LTBP1: variants seen among roughly 807,000 people sequenced by gnomAD.
The protein encoded by LTBP1 is latent-transforming growth factor beta-binding protein 1.
In LTBP1, 129 loss-of-function variants were observed where a neutral mutation model predicts 207.6. That is an observed-to-expected ratio of 0.62 (90% CI 0.54 to 0.72). The LOEUF (loss-of-function observed/expected upper bound fraction) is 0.72. LTBP1 is among the 30% of genes least tolerant of loss of function. LTBP1 has a pLI of 0.00. For synonymous variants in LTBP1, 963 were observed against 833.7 expected, an observed-to-expected ratio of 1.16 and a Z score of -2.67; for missense variants, 2,281 against 2,217.2, an observed-to-expected ratio of 1.03 and a Z score of -0.58.
At chr2:33,381,803 A>C (rs1574094988) in intron 31 of LTBP1, among the ~76,000 whole-genome samples, 1 of 152,142 alleles carries the variant, frequency 6.6e-6, no homozygotes, top group Non-Finnish European at 1.5e-5. Flanking sequence ...TGGGGAGTAG[A>C]AAGAACATGG....
At position 33,309,509 on chromosome 2, in the gene LTBP1, G is replaced by A. The variant is rs969042553; in HGVS notation, c.3557G>A (p.Cys1186Tyr). The A allele has an allele frequency of 6.2e-7, 1 of 1,610,624 alleles. No homozygotes were observed. Among genetic ancestry groups the A allele is most frequent in the Non-Finnish European group, 8.5e-7 (1 of 1,178,628 alleles). ...ATTAATACTGCAGGGTCCTATGATT[G>A]TACTTGTCCGGATGGATTTCAGCTA... ...DCINTAGSYDCTCPDGFQLDD... is the reference protein window; with the variant it reads ...DCINTAGSYDYTCPDGFQLDD... The change falls in exon 23 of 34, where the codon TGT (cysteine) becomes TAT (tyrosine). Residue 1186 changes from cysteine to tyrosine, a missense_variant. Coordinates refer to ENST00000404816, the MANE Select transcript of LTBP1 (RefSeq NM_206943.4).
chr2:33,085,247 C>T (rs548881215), intron 3 of LTBP1, among the ~76,000 whole-genome samples: 110 of 152,208 alleles, frequency 7.2e-4, no homozygotes, highest in Non-Finnish European at 1.3e-3. Flanking sequence ...GTCTCCATAC[C>T]CGAGAGAGAA....
At chr2:33,376,727 C>G (rs1483131665) in intron 31 of LTBP1, among the ~76,000 whole-genome samples, 1 of 152,176 alleles carries the variant, frequency 6.6e-6, no homozygotes, top group Admixed American at 6.5e-5. Flanking sequence ...CAGATACCTT[C>G]TCCTAAGGGG....
chr2:33,339,671 G>A (rs2094593527), intron 24 of LTBP1, among the ~76,000 whole-genome samples: 1 of 151,556 alleles, frequency 6.6e-6, no homozygotes, highest in Admixed American at 6.6e-5. Context: ...TTGAGACGGA[G>A]TTTCGCTCTT....
At chr2:33,004,787 A>ATATATATATATATG (rs1686550110) in intron 2 of LTBP1, among the ~76,000 whole-genome samples, 2 of 6,738 alleles carry the variant, frequency 3.0e-4, no homozygotes, top group Non-Finnish European at 1.2e-3. Context: ...AAAAAAAGGA[A>ATATATATATATATG]TATATATATA....
At chr2:32,970,366 C>G (rs1643875567) in intron 2 of LTBP1, among the ~76,000 whole-genome samples, 2 of 152,048 alleles carry the variant, frequency 1.3e-5, no homozygotes, top group African/African-American at 4.8e-5. Flanking sequence ...TCAGGGTTAT[C>G]TTCCAGGGTT....
At chr2:32,974,896 G>A (rs1681469362) in intron 2 of LTBP1, among the ~76,000 whole-genome samples, 4 of 152,182 alleles carry the variant, frequency 2.6e-5, no homozygotes, top group African/African-American at 7.2e-5. Flanking sequence ...TAATACTGAC[G>A]TGTGGATTTG....
chr2:33,157,350 C>G (rs933392230), intron 5 of LTBP1, among the ~76,000 whole-genome samples: 1 of 152,182 alleles, frequency 6.6e-6, no homozygotes, highest in South Asian at 2.1e-4. Flanking sequence ...TGGCATGTTT[C>G]TGAACAGTTG....
chr2:33,014,969 G>A (rs372711263), intron 2 of LTBP1, among the ~76,000 whole-genome samples: 1 of 151,636 alleles, frequency 6.6e-6, no homozygotes, highest in Non-Finnish European at 1.5e-5. Context: ...TGAGTTTATC[G>A]CTGTCTTGGT....
intron 20 of LTBP1, among the ~76,000 whole-genome samples, chr2:33,299,038 G>C (rs1013279270): frequency 2.6e-5 from 4 of 152,134 alleles, no homozygotes; most frequent in Non-Finnish European, 5.9e-5. Flanking sequence ...CACTTTGGGA[G>C]AACGAGGCAG....
chr2:33,347,507 A>G lies in LTBP1; in HGVS notation c.3997A>G (p.Thr1333Ala), dbSNP rs1022850978. ...MTGQCRSRTS[T>A]DLDVDVDQPK... is the part of the protein sequence containing the mutation. ...TGGGCAGTGCCGCTCCCGGACCTCC[A>G]CAGGTAAGTCCCAGTGACACTGTGC... The change falls in exon 26 of 34, where the codon ACA becomes GCA. Residue 1333 changes from threonine (T) to alanine (A), a missense_variant. This residue lies in a region of LTBP1 where 1,671 missense variants were observed against 1,634.8 expected (regional missense o/e 1.02). Coordinates refer to ENST00000404816, the MANE Select transcript of LTBP1 (RefSeq NM_206943.4). The G allele has an allele frequency of 1.2e-6, 2 of 1,614,078 alleles. No individual in the cohort carries two copies. The highest frequency in any genetic ancestry group is 1.3e-5 in the African/African-American group (1 of 75,044).
intron 23 of LTBP1, 29 bp downstream of exon 23, chr2:33,309,585 T>C (rs767917824): frequency 4.4e-6 from 7 of 1,597,738 alleles, no homozygotes; most frequent in Non-Finnish European, 5.1e-6. Context: ...TCCCCAGTCA[T>C]TATTTACGTA....
chr2:32,966,520 T>C (rs1292326526), intron 2 of LTBP1, among the ~76,000 whole-genome samples: 1 of 152,200 alleles, frequency 6.6e-6, no homozygotes, highest in Non-Finnish European at 1.5e-5. Context: ...TGTATGTTTT[T>C]TATAGATGTT....
intron 26 of LTBP1, among the ~76,000 whole-genome samples, chr2:33,357,246 G>T (rs191226443): frequency 6.6e-6 from 1 of 152,282 alleles, no homozygotes; most frequent in Non-Finnish European, 1.5e-5. Context: ...ACAGGGCTTG[G>T]TATAGGTGGT....
chr2:33,110,485 T>C (rs1367317784), intron 3 of LTBP1, 97 bp from the exon 4 acceptor site: 1 of 1,094,936 alleles, frequency 9.1e-7, no homozygotes, highest in East Asian at 2.4e-5. Context: ...GAATTGATGC[T>C]CCTTTCTACA....
intron 2 of LTBP1, among the ~76,000 whole-genome samples, chr2:33,002,506 C>A (rs1201211602): frequency 2.6e-5 from 4 of 152,104 alleles, no homozygotes; most frequent in African/African-American, 9.7e-5. Flanking sequence ...GAAGGTCAGG[C>A]CCAGCGTCTC....
intron 2 of LTBP1, among the ~76,000 whole-genome samples, chr2:32,972,123 T>G (rs1433499523): frequency 2.2e-5 from 3 of 134,344 alleles, no homozygotes; most frequent in Non-Finnish European, 5.1e-5. Context: ...TTTTGTTTTT[T>G]TTTTTCTGTG....
At chr2:33,160,902 C>T (rs774890752) in intron 5 of LTBP1, among the ~76,000 whole-genome samples, 1 of 152,138 alleles carries the variant, frequency 6.6e-6, no homozygotes, top group African/African-American at 2.4e-5. Flanking sequence ...AGCACCTACC[C>T]TATAGGTGCT....
rs116654841 is a variant in LTBP1, at chr2:33,243,052, C to T, written c.1877-610C>T. Among the ~76,000 whole-genome samples, 871 of 152,278 alleles carry T rather than the reference C, an allele frequency of 5.7e-3. 10 individuals carry two copies. Among genetic ancestry groups the T allele is most frequent in the African/African-American group, 0.02 (835 of 41,550 alleles). ...CCACTGGCCACACTCTGTGCTCAAG[C>T]TCCAGGGTTTCCCACACAAGTCATT... On this transcript the variant is annotated intron_variant, in intron 9 of 33. Coordinates refer to ENST00000404816, the MANE Select transcript of LTBP1 (RefSeq NM_206943.4).
Sources: allele counts gnomAD v4.1 joint callset (sites outside exome capture counted in the v4.1 genomes callset), GRCh38; gene constraint gnomAD v4.1.1; regional missense constraint gnomAD v4.1.1; transcripts MANE v1.5; gene names NCBI Gene and HGNC (gene_info 2026-07-23, HGNC 2026-07-21).